The following SLC2A9 variants were observed in gnomAD, a reference collection of about 807,000 sequenced individuals.
SLC2A9 encodes solute carrier family 2 member 9.
In SLC2A9, 39 loss-of-function variants were observed where a neutral mutation model predicts 50.6. The observed-to-expected ratio is 0.77, with a 90% CI of 0.60 to 1.01. The LOEUF (loss-of-function observed/expected upper bound fraction) is 1.01. Ranked by LOEUF, SLC2A9 falls within the 50% of genes least tolerant of loss-of-function variation. The pLI is 0.00. For missense variants in SLC2A9, 686 were observed against 677.6 expected (o/e 1.01, Z -0.14); for synonymous variants, 324 against 276.9 (o/e 1.17, Z -1.69).
At chr4:9,847,507 C>T (rs2109281916) in intron 10 of SLC2A9, among the ~76,000 whole-genome samples, 1 of 152,308 alleles carries the variant, frequency 6.6e-6, no homozygotes, top group South Asian at 2.1e-4. Flanking sequence ...GGCAAAGGCC[C>T]AATCAATATC....
intron 10 of SLC2A9, among the ~76,000 whole-genome samples, chr4:9,876,791 G>T (rs1479678446): frequency 2.0e-5 from 3 of 152,118 alleles, no homozygotes; most frequent in Admixed American, 6.5e-5. Flanking sequence ...CTGAGTCTTT[G>T]TTTCTAGACA....
At chr4:9,939,452 C>A (rs1197327080) in intron 6 of SLC2A9, among the ~76,000 whole-genome samples, 2 of 152,218 alleles carry the variant, frequency 1.3e-5, no homozygotes, top group African/African-American at 4.8e-5. Flanking sequence ...GAAGGGGTAT[C>A]TCCCACAGTG....
intron 6 of SLC2A9, among the ~76,000 whole-genome samples, chr4:9,928,201 C>A (rs1577932175): frequency 6.6e-6 from 1 of 152,268 alleles, no homozygotes; most frequent in East Asian, 1.9e-4. Flanking sequence ...ATAGTGGAAC[C>A]CGCTATCTCC....
chr4:9,854,751 T>C (rs552320929), intron 10 of SLC2A9, among the ~76,000 whole-genome samples: 1 of 152,250 alleles, frequency 6.6e-6, no homozygotes, highest in East Asian at 1.9e-4. Context: ...GCACATCCAA[T>C]AGCTTATCCA....
At chr4:9,862,715 C>A (rs1382107525) in intron 10 of SLC2A9, among the ~76,000 whole-genome samples, 1 of 151,948 alleles carries the variant, frequency 6.6e-6, no homozygotes, top group African/African-American at 2.4e-5. Flanking sequence ...CACGGAGGCC[C>A]TTCCTGTCCA....
chr4:9,888,703 C>CTGGG (rs1736758574), intron 9 of SLC2A9, among the ~76,000 whole-genome samples: 5 of 152,038 alleles, frequency 3.3e-5, no homozygotes, highest in African/African-American at 7.2e-5. Flanking sequence ...GTTCAGCATA[C>CTGGG]ACAAGGGCAT....
At chr4:9,812,384 A>G (rs201082339) in intron 3 of SLC2A9, among the ~76,000 whole-genome samples, 27 of 152,206 alleles carry the variant, frequency 1.8e-4, no homozygotes, top group African/African-American at 6.0e-4. Flanking sequence ...TTCCAAGAAG[A>G]AAAAGAAATG....
At chr4:10,031,959 C>T (rs1286376851) in intron 1 of SLC2A9, among the ~76,000 whole-genome samples, 2 of 152,180 alleles carry the variant, frequency 1.3e-5, no homozygotes, top group East Asian at 1.9e-4. Context: ...CAAAACAGGG[C>T]GCTGGAAAGG....
chr4:9,959,599 C>T (rs1041598485), intron 5 of SLC2A9, among the ~76,000 whole-genome samples: 4 of 152,072 alleles, frequency 2.6e-5, no homozygotes, highest in East Asian at 1.9e-4. Context: ...GGGGGTGGGA[C>T]GATGGACCTC....
chr4:9,839,256 G>C (rs955344446), intron 10 of SLC2A9, among the ~76,000 whole-genome samples: 1 of 152,148 alleles, frequency 6.6e-6, no homozygotes, highest in Non-Finnish European at 1.5e-5. Flanking sequence ...CTGATCATTA[G>C]AGAAATGTAA....
At chr4:9,879,146 G>T (rs1197286692) in intron 10 of SLC2A9, 2 of 984,566 alleles carry the variant, frequency 2.0e-6, no homozygotes, top group Non-Finnish European at 2.4e-6. Flanking sequence ...GACCAACCAT[G>T]GCCATTGTAA....
chr4:10,005,417 C>T (rs1332822090), intron 2 of SLC2A9, among the ~76,000 whole-genome samples: 2 of 152,336 alleles, frequency 1.3e-5, no homozygotes, highest in African/African-American at 4.8e-5. Flanking sequence ...CAGGAGTCTA[C>T]ACAAAATTCC....
chr4:9,893,448 A>C (rs1309312252), intron 8 of SLC2A9, among the ~76,000 whole-genome samples: 1 of 151,998 alleles, frequency 6.6e-6, no homozygotes, highest in Admixed American at 6.6e-5. Context: ...AGGGACAGTA[A>C]CTTCACTTGG....
At chr4:9,789,964 T>G (rs1377378674) in intron 3 of SLC2A9, among the ~76,000 whole-genome samples, 1 of 152,194 alleles carries the variant, frequency 6.6e-6, no homozygotes, top group Admixed American at 6.5e-5. Flanking sequence ...TGTCTATATA[T>G]TGGGTGAGGT....
At chr4:9,872,064 G>A (rs1733531677) in intron 10 of SLC2A9, among the ~76,000 whole-genome samples, 1 of 152,210 alleles carries the variant, frequency 6.6e-6, no homozygotes, top group Non-Finnish European at 1.5e-5. Flanking sequence ...TCCTCATCCA[G>A]GGACCCGGGT....
chr4:10,011,626 C>A (rs952191031), intron 2 of SLC2A9, among the ~76,000 whole-genome samples: 2 of 152,140 alleles, frequency 1.3e-5, no homozygotes, highest in African/African-American at 4.8e-5. Flanking sequence ...TGCAAATTAG[C>A]CCTAAATTTG....
chr4:9,845,588 A>T lies in SLC2A9; in HGVS notation c.1292-10580T>A, dbSNP rs28656237. On this transcript the variant is annotated intron_variant, in intron 10 of 11. Coordinates refer to ENST00000264784, the MANE Select transcript of SLC2A9 (RefSeq NM_020041.3). ...GGGACTACAGGCGCCCGCTACCACG[A>T]CCGGCTAATTTTTTTGTATTTTTAG... is the stretch of plus-strand genomic sequence containing the variant. 6.5e-3 allele frequency among the ~76,000 whole-genome samples: 981 copies of T among 150,064 alleles called. 14 individuals are homozygous for T. The highest frequency in any genetic ancestry group is 0.023 in the African/African-American group (931 of 40,456).
chr4:9,868,734 G>A (rs969678859), intron 10 of SLC2A9, among the ~76,000 whole-genome samples: 12 of 152,174 alleles, frequency 7.9e-5, no homozygotes, highest in Admixed American at 7.9e-4. Flanking sequence ...TAAGCCCAGA[G>A]CAGAACTTCT....
intron 3 of SLC2A9, among the ~76,000 whole-genome samples, chr4:9,810,564 T>A (rs181872225): frequency 6.6e-6 from 1 of 152,248 alleles, no homozygotes; most frequent in African/African-American, 2.4e-5. Flanking sequence ...GAGACTGATA[T>A]ATGAGCCAGG....
Sources: allele counts gnomAD v4.1 joint callset (sites outside exome capture counted in the v4.1 genomes callset), GRCh38; gene constraint gnomAD v4.1.1; transcripts MANE v1.5; gene names NCBI Gene and HGNC (gene_info 2026-07-23, HGNC 2026-07-21).